The following RCSD1 variants were observed in gnomAD, a reference collection of about 807,000 sequenced individuals.
RCSD1 encodes the protein capZ-interacting protein.
RCSD1 carries 26 observed loss-of-function variants against 42.5 expected under a neutral mutation model. The observed-to-expected ratio is 0.61, with a 90% confidence interval of 0.45 to 0.85. RCSD1 has a LOEUF of 0.85. Among genes scored for constraint, RCSD1 ranks in the 40% least tolerant of loss-of-function variants. RCSD1 has a pLI of 0.00. For synonymous variants in RCSD1, 220 were observed against 212.2 expected, an observed-to-expected ratio of 1.04 and a Z score of -0.32; for missense variants, 571 against 528.3, an observed-to-expected ratio of 1.08 and a Z score of -0.79.
intron 1 of RCSD1, among the ~76,000 whole-genome samples, chr1:167,652,766 T>A (rs9426874): frequency 0.068 from 10,331 of 152,262 alleles, 427 homozygotes; most frequent in Non-Finnish European, 0.098. Flanking sequence ...TGAGAAATGT[T>A]GGATATTCGT....
intron 6 of RCSD1, among the ~76,000 whole-genome samples, chr1:167,702,340 A>G (rs1327960815): frequency 6.6e-6 from 1 of 152,254 alleles, no homozygotes; most frequent in Non-Finnish European, 1.5e-5. Context: ...AACATATCGT[A>G]CTGAAAGAAG....
chr1:167,658,566 C>T (rs931893976), intron 1 of RCSD1, among the ~76,000 whole-genome samples: 10 of 152,142 alleles, frequency 6.6e-5, no homozygotes, highest in Admixed American at 2.6e-4. Flanking sequence ...ACTGGGATTA[C>T]AGGCACGTGC....
At chr1:167,685,378 GCTCT>G in intron 2 of RCSD1, 39 bp from the exon 3 acceptor site, 1 of 1,527,278 alleles carries the variant, frequency 6.5e-7, no homozygotes, top group Non-Finnish European at 9.1e-7. Context: ...CCTGATCAGT[GCTCT>G]CTTTTTCTCT....
chr1:167,704,521 A>G (rs1659712687), intron 6 of RCSD1, 143 bp from the exon 7 acceptor site: 1 of 698,556 alleles, frequency 1.4e-6, no homozygotes, highest in Non-Finnish European at 2.5e-6. Context: ...TAAGTTGGGC[A>G]CATAGCATTC....
intron 1 of RCSD1, among the ~76,000 whole-genome samples, chr1:167,639,867 C>T (rs756873831): frequency 6.6e-6 from 1 of 152,212 alleles, no homozygotes; most frequent in Non-Finnish European, 1.5e-5. Flanking sequence ...CTAGCTGCAG[C>T]GCCACGCCTT....
chr1:167,701,632 G>A (rs970188099), intron 6 of RCSD1, among the ~76,000 whole-genome samples: 2 of 152,046 alleles, frequency 1.3e-5, no homozygotes, highest in African/African-American at 4.8e-5. Flanking sequence ...AGAAACCAAG[G>A]CTCCAAGAGA....
intron 1 of RCSD1, among the ~76,000 whole-genome samples, chr1:167,652,460 A>G: frequency 6.6e-6 from 1 of 152,210 alleles, no homozygotes; most frequent in Non-Finnish European, 1.5e-5. Flanking sequence ...ATTTTCAGCC[A>G]GAGGCCTAGG....
chr1:167,630,292 C>A lies in RCSD1; in HGVS notation c.-132C>A. 1 of 1,050,706 alleles carries A rather than the reference C, an allele frequency of 9.5e-7. No individual in the cohort carries two copies. Among genetic ancestry groups the A allele is most frequent in the Non-Finnish European group, 1.2e-6 (1 of 814,540 alleles). The allele number at this position is 1,050,706 out of a possible 1,614,324, so 65.1% of individuals were successfully genotyped here. On this transcript the variant is annotated 5_prime_UTR_variant, in exon 1 of 7. Coordinates refer to ENST00000367854, the MANE Select transcript of RCSD1 (RefSeq NM_052862.4). Reference sequence around the variant, plus strand: ...GCAGCCGAGCGCAGCCGGGCGCGCGCCACCGCCCACTCGCCCTGTGCCCGC... The same window carrying A: ...GCAGCCGAGCGCAGCCGGGCGCGCGACACCGCCCACTCGCCCTGTGCCCGC...
At chr1:167,696,383 A>G (rs1659497964) in intron 5 of RCSD1, among the ~76,000 whole-genome samples, 1 of 152,056 alleles carries the variant, frequency 6.6e-6, no homozygotes, top group Admixed American at 6.5e-5. Flanking sequence ...TTTATGAGGA[A>G]ACTTGTAAGA....
intron 1 of RCSD1, among the ~76,000 whole-genome samples, chr1:167,647,402 A>T (rs1162168572): frequency 1.3e-5 from 2 of 151,214 alleles, no homozygotes; most frequent in African/African-American, 4.9e-5. Flanking sequence ...CAGCCCGGGC[A>T]ACATAGTGAG....
At chr1:167,697,041 C>A (rs1200061017) in intron 5 of RCSD1, 58 bp from the exon 6 acceptor site, 5 of 1,525,030 alleles carry the variant, frequency 3.3e-6, no homozygotes, top group Non-Finnish European at 4.4e-6. Context: ...GCATACAGTC[C>A]TCCTCTTGGC....
At chr1:167,662,815 G>A (rs1259555429) in intron 1 of RCSD1, among the ~76,000 whole-genome samples, 2 of 152,130 alleles carry the variant, frequency 1.3e-5, no homozygotes, top group Admixed American at 1.3e-4. Context: ...GGTTTGCTTG[G>A]CATCCCTGAG....
chr1:167,646,671 G>A (rs1558074103), intron 1 of RCSD1, among the ~76,000 whole-genome samples: 1 of 152,072 alleles, frequency 6.6e-6, no homozygotes, highest in Non-Finnish European at 1.5e-5. Context: ...CCTGATGCTC[G>A]AGTTTCTAAT....
chr1:167,708,448 A>C lies in RCSD1; in HGVS notation c.*3752A>C, dbSNP rs78220041. ...AAAAAAGGATAAACAATGTCTCTAT[A>C]TAATGCATGATCAGGTGGTTTATGA... On this transcript the variant is annotated 3_prime_UTR_variant, in exon 7 of 7. Coordinates refer to ENST00000367854, the MANE Select transcript of RCSD1 (RefSeq NM_052862.4). 0.013 allele frequency among the ~76,000 whole-genome samples: 1,946 copies of C among 152,344 alleles called. 26 individuals carry two copies. Among genetic ancestry groups the C allele is most frequent in the Admixed American group, 0.039 (591 of 15,302 alleles).
chr1:167,677,771 C>A (rs1204114285), intron 1 of RCSD1, among the ~76,000 whole-genome samples: 1 of 152,096 alleles, frequency 6.6e-6, no homozygotes, highest in African/African-American at 2.4e-5. Context: ...GTCCTTTGTC[C>A]CGCACCTGTG....
chr1:167,649,658 A>G (rs761077), intron 1 of RCSD1, among the ~76,000 whole-genome samples: 1 of 152,314 alleles, frequency 6.6e-6, no homozygotes, highest in South Asian at 2.1e-4. Flanking sequence ...ATATGGACTA[A>G]AGACCAGGAA....
intron 1 of RCSD1, among the ~76,000 whole-genome samples, chr1:167,651,424 G>A (rs1658301709): frequency 6.6e-6 from 1 of 152,192 alleles, no homozygotes; most frequent in Admixed American, 6.5e-5. Context: ...ATCCTAGAAA[G>A]AGTGTCCCAG....
At chr1:167,689,641 CTTG>C (rs951758706) in intron 3 of RCSD1, among the ~76,000 whole-genome samples, 14 of 152,154 alleles carry the variant, frequency 9.2e-5, no homozygotes, top group African/African-American at 3.1e-4. Flanking sequence ...GGTCTGGTTT[CTTG>C]TTGTGTGTGT....
chr1:167,638,673 G>A (rs188891849), intron 1 of RCSD1, among the ~76,000 whole-genome samples: 22 of 152,302 alleles, frequency 1.4e-4, no homozygotes, highest in East Asian at 5.8e-4. Flanking sequence ...GGTTTACTCC[G>A]AGCCCTCCTC....
Sources: gnomAD v4.1 joint callset for allele counts (sites outside exome capture counted in the v4.1 genomes callset) on GRCh38, gnomAD v4.1.1 for gene constraint, MANE v1.5 for transcripts, NCBI Gene and HGNC (gene_info 2026-07-23, HGNC 2026-07-21) for gene names.